Variants in LCK observed in about 807,000 individuals in gnomAD.
The protein encoded by LCK is tyrosine-protein kinase Lck.
Under a neutral mutation model 64.6 loss-of-function variants are expected in LCK, and 14 were observed. The ratio of observed to expected loss-of-function variants is 0.22; its 90% CI spans 0.14 to 0.34. The LOEUF is 0.34. Ranked by LOEUF, LCK falls within the 10% of genes least tolerant of loss-of-function variation. LCK has a pLI of 1.00. For missense variants in LCK, 434 were observed against 668.1 expected (o/e 0.65, Z 3.86); for synonymous variants, 277 against 263.6 (o/e 1.05, Z -0.49).
At chr1:32,260,193 A>G (rs1340871298) in intron 1 of LCK, among the ~76,000 whole-genome samples, 1 of 151,958 alleles carries the variant, frequency 6.6e-6, no homozygotes. Flanking sequence ...TTGTATTTTT[A>G]GTAGAGATGA....
At chr1:32,257,034 A>G (rs1639648737) in intron 1 of LCK, among the ~76,000 whole-genome samples, 3 of 152,168 alleles carry the variant, frequency 2.0e-5, no homozygotes, top group African/African-American at 7.2e-5. Flanking sequence ...TTAGCCTGAA[A>G]GATGTTTAAG....
chr1:32,277,086 T>A, intron 9 of LCK: 1 of 191,144 alleles, frequency 5.2e-6, no homozygotes, highest in African/African-American at 2.3e-5. Context: ...GGCACATGCC[T>A]GTAATCCCAG....
In LCK at chr1:32,275,510, G is replaced by C. The variant is rs1569953588; in HGVS notation, c.378-59G>C. ...CCTGGGGTGGCGGTGAAGGCTTGAG[G>C]GCCACGGAGGAAGATCCGACGACAG... is the stretch of plus-strand genomic sequence containing the variant. On this transcript the variant is annotated intron_variant, in intron 5 of 12. Transcript: ENST00000336890. The surrounding 1 kb of genome is among the most constrained non-coding windows in gnomAD (Gnocchi z 6.9). The C allele has an allele frequency of 2.6e-6, 4 of 1,555,402 alleles. No individual in the cohort carries two copies. Among genetic ancestry groups the C allele is most frequent in the East Asian group, 4.7e-5 (2 of 42,450 alleles).
Position 32,276,924 on chromosome 1 carries a change from C to A in LCK, c.964+138C>A. 1.1e-6 allele frequency: 1 copy of A among 909,468 alleles called. No homozygotes were observed. Among genetic ancestry groups the A allele is most frequent in the Non-Finnish European group, 1.6e-6 (1 of 641,284 alleles). The allele number at this position is 909,468 out of a possible 1,614,324, so 56.3% of individuals were successfully genotyped here. Reference sequence around the variant, plus strand: ...TGAGCTTTCCTGCCCCCTGGAGACTCACCTCCAGCCGGGCGCGGTGGCTCA... The same window carrying A: ...TGAGCTTTCCTGCCCCCTGGAGACTAACCTCCAGCCGGGCGCGGTGGCTCA... On this transcript the variant is annotated intron_variant, in intron 9 of 12. Coordinates refer to ENST00000336890, the MANE Select transcript of LCK (RefSeq NM_005356.5). The surrounding 1 kb of genome is among the most constrained non-coding windows in gnomAD (Gnocchi z 4.6).
At chr1:32,280,939 G>A (rs540810794) in intron 12 of LCK, among the ~76,000 whole-genome samples, 1 of 152,208 alleles carries the variant, frequency 6.6e-6, no homozygotes, top group Admixed American at 6.5e-5. Context: ...TCAGTTTCCT[G>A]ATACTAAAAA....
At chr1:32,271,888 T>C (rs536291886) in intron 1 of LCK, among the ~76,000 whole-genome samples, 3 of 152,262 alleles carry the variant, frequency 2.0e-5, no homozygotes, top group Non-Finnish European at 2.9e-5. Context: ...GGGGCTGACA[T>C]GTAAATCAGT....
chr1:32,269,731 C>G (rs951780427), intron 1 of LCK: 2 of 151,894 alleles, frequency 1.3e-5, no homozygotes, highest in Admixed American at 6.6e-5. Context: ...CGCGCCCAGC[C>G]GAGACTCTAT....
intron 1 of LCK, among the ~76,000 whole-genome samples, chr1:32,263,935 G>T (rs780522193): frequency 3.3e-5 from 5 of 151,726 alleles, no homozygotes; most frequent in African/African-American, 4.8e-5. Flanking sequence ...AAAAGAAGAA[G>T]ACCGGAAGGA....
chr1:32,261,496 A>C (rs1333987350), intron 1 of LCK, among the ~76,000 whole-genome samples: 1 of 150,924 alleles, frequency 6.6e-6, no homozygotes, highest in Non-Finnish European at 1.5e-5. Flanking sequence ...AAATACAAAA[A>C]TTAGCTGGGC....
chr1:32,258,188 TG>T (rs984355078), intron 1 of LCK, among the ~76,000 whole-genome samples: 8 of 150,492 alleles, frequency 5.3e-5, no homozygotes, highest in Non-Finnish European at 1.0e-4. Flanking sequence ...GAGGCTGAGG[TG>T]GGAGGATCAC....
At chr1:32,278,065 G>C (rs551587108) in intron 9 of LCK, among the ~76,000 whole-genome samples, 57 of 152,128 alleles carry the variant, frequency 3.7e-4, no homozygotes, top group Non-Finnish European at 6.9e-4. Context: ...TGTAGTCCCA[G>C]CTACTTGGGA....
chr1:32,279,676 C>T lies in LCK; in HGVS notation c.970C>T (p.Leu324=), dbSNP rs770141034. The change falls in exon 10 of 13, where the codon CTA becomes TTA. Residue 324 remains leucine, a synonymous_variant. Transcript: ENST00000336890. The part of the protein sequence containing the change: ...IITEYMENGS[L]VDFLKTPSGI... Reference sequence around the variant, plus strand: ...ACTCTTGCTTCTGCCCACAGGGAGTCTAGTGGATTTTCTCAAGACCCCTTC... The same window carrying T: ...ACTCTTGCTTCTGCCCACAGGGAGTTTAGTGGATTTTCTCAAGACCCCTTC... 6.2e-7 allele frequency: 1 copy of T among 1,613,976 alleles called. No homozygotes were observed. Among genetic ancestry groups the T allele is most frequent in the Non-Finnish European group, 8.5e-7 (1 of 1,179,898 alleles).
At position 32,261,517 on chromosome 1, in the gene LCK, G is replaced by A. The variant is rs537730717; in HGVS notation, c.-6+10146G>A. The stretch of plus-strand genomic sequence containing the variant: ...AAAAATTAGCTGGGCCTGGTGGAAC[G>A]TGACTGTAATCCCAGCTACTTGGGA... On this transcript the variant is annotated intron_variant, in intron 1 of 12. Coordinates refer to ENST00000336890, the MANE Select transcript of LCK (RefSeq NM_005356.5). 7.3e-5 allele frequency among the ~76,000 whole-genome samples: 11 copies of A among 150,434 alleles called. No individual in the cohort carries two copies. The South Asian group carries it at 2.3e-3, about 32-fold the overall frequency.
chr1:32,281,900 T>TA (rs963798905), intron 12 of LCK, among the ~76,000 whole-genome samples: 125 of 151,558 alleles, frequency 8.2e-4, no homozygotes, highest in East Asian at 5.6e-3. Flanking sequence ...CCGTCTCTAC[T>TA]AAAAAAAATA....
chr1:32,270,692 CT>C (rs34689678), intron 1 of LCK, among the ~76,000 whole-genome samples: 557 of 96,780 alleles, frequency 5.8e-3, no homozygotes, highest in African/African-American at 0.017. Flanking sequence ...CGTGCCCGGA[CT>C]TTTTTTTTTT....
chr1:32,274,981 TTG>T lies in LCK; in HGVS notation c.188-10_188-9del. On this transcript the variant is annotated splice_polypyrimidine_tract_variant and intron_variant, in intron 3 of 12. Coordinates refer to ENST00000336890, the MANE Select transcript of LCK (RefSeq NM_005356.5). ...CCAGCTCGGTTCTCCCTGATGCCCC[TTG>T]TCTTTACAGACAACCTGGTTATCGC... 4 of 1,614,208 alleles carry T rather than the reference TTG, an allele frequency of 2.5e-6. No homozygotes were observed. Among genetic ancestry groups the T allele is most frequent in the Non-Finnish European group, 3.4e-6 (4 of 1,180,022 alleles).
At chr1:32,266,518 A>G (rs1250900981) in intron 1 of LCK, among the ~76,000 whole-genome samples, 41 of 149,260 alleles carry the variant, frequency 2.7e-4, no homozygotes, top group Non-Finnish European at 5.5e-4. Context: ...AAAAAAAAAA[A>G]AGAGAGATCC....
chr1:32,279,472 T>C, intron 9 of LCK, 199 bp from the exon 10 acceptor site: 1 of 858,888 alleles, frequency 1.2e-6, no homozygotes. Context: ...CCTCCCAGCA[T>C]GCTCTACCCT....
At chr1:32,258,313 G>A (rs1002102542) in intron 1 of LCK, among the ~76,000 whole-genome samples, 3 of 149,678 alleles carry the variant, frequency 2.0e-5, no homozygotes, top group Admixed American at 6.7e-5. Flanking sequence ...GAGAGAGAGC[G>A]GAATTAAAGC....
Sources: gnomAD v4.1 joint callset for allele counts (sites outside exome capture counted in the v4.1 genomes callset) on GRCh38, gnomAD v4.1.1 for gene constraint, Gnocchi (gnomAD v3.1) non-coding constraint, MANE v1.5 for transcripts, NCBI Gene and HGNC (gene_info 2026-07-23, HGNC 2026-07-21) for gene names.